The following NPNT variants were observed in gnomAD, a reference collection of about 807,000 sequenced individuals.
The protein encoded by NPNT is nephronectin.
A neutral mutation model predicts 68.6 loss-of-function variants in NPNT; 45 were observed. The ratio of observed to expected loss-of-function variants is 0.66; its 90% CI spans 0.52 to 0.84. The LOEUF (loss-of-function observed/expected upper bound fraction) is 0.84, where lower values mean the gene tolerates loss of function less well. Ranked by LOEUF, NPNT falls within the 40% of genes least tolerant of loss-of-function variation. The probability of loss-of-function intolerance (pLI) is 0.00; values close to 1 mark genes in which losing one functional copy is unlikely to be tolerated. For synonymous variants in NPNT, 233 were observed against 253.3 expected (o/e 0.92, Z 0.76); for missense variants, 672 against 714.8 (o/e 0.94, Z 0.68).
intron 7 of NPNT, among the ~76,000 whole-genome samples, 192 bp from the exon 8 acceptor site, chr4:105,942,115 G>GTATA (rs1345363227): frequency 4.3e-4 from 31 of 72,248 alleles, no homozygotes; most frequent in Non-Finnish European, 7.2e-4. Context: ...CTGTGTGTGT[G>GTATA]TATATATATA....
chr4:105,951,271 C>T (rs903139827), intron 8 of NPNT, among the ~76,000 whole-genome samples: 6 of 152,166 alleles, frequency 3.9e-5, no homozygotes, highest in African/African-American at 1.4e-4. Context: ...GTATCAGGTG[C>T]TCTTATGAGT....
intron 2 of NPNT, among the ~76,000 whole-genome samples, chr4:105,907,839 A>G (rs1727035605): frequency 6.6e-6 from 1 of 152,212 alleles, no homozygotes; most frequent in African/African-American, 2.4e-5. Context: ...CTTAATTACT[A>G]CTGATACATA....
rs901062402 is a variant in NPNT, at chr4:105,940,267, G to A, written c.640+58G>A. The A allele has an allele frequency of 2.5e-5, 38 of 1,542,476 alleles. No individual in the cohort carries two copies. The East Asian group carries it at 3.6e-4, about 15-fold the overall frequency. On this transcript the variant is annotated intron_variant, in intron 6 of 11. Transcript: ENST00000379987. The stretch of plus-strand genomic sequence containing the variant: ...TCTTCCTAGAGCACTGAAAGGTCTC[G>A]TAATTGTGGTGATGGCTGGAATGTC...
At chr4:105,933,468 A>G (rs930860193) in intron 3 of NPNT, among the ~76,000 whole-genome samples, 3 of 152,240 alleles carry the variant, frequency 2.0e-5, no homozygotes, top group African/African-American at 4.8e-5. Context: ...TCTGCTGAGA[A>G]GAAATTTGAT....
Position 105,899,104 on chromosome 4 carries a change from G to A in NPNT, c.172+1103G>A, listed in dbSNP as rs114433522. 9.7e-3 allele frequency among the ~76,000 whole-genome samples: 1,473 copies of A among 152,208 alleles called. 28 individuals carry two copies. Among genetic ancestry groups the A allele is most frequent in the African/African-American group, 0.033 (1,375 of 41,518 alleles). On this transcript the variant is annotated intron_variant, in intron 2 of 11. Coordinates refer to ENST00000379987, the MANE Select transcript of NPNT (RefSeq NM_001033047.3). ...TTCAGGAAAGTTAGGAGTTCCCTCT[G>A]CTATTTTAATTTTTGAGGATGCTTG...
chr4:105,912,674 G>C, intron 2 of NPNT: 1 of 502,568 alleles, frequency 2.0e-6, no homozygotes, highest in Non-Finnish European at 2.6e-6. Flanking sequence ...TTTATTGTAT[G>C]AAATATGTTA....
intron 3 of NPNT, among the ~76,000 whole-genome samples, chr4:105,930,489 G>A (rs1243158483): frequency 6.6e-6 from 1 of 152,140 alleles, no homozygotes; most frequent in African/African-American, 2.4e-5. Flanking sequence ...AGAGAAAATT[G>A]TTGATAGTGC....
chr4:105,948,626 G>A (rs1434226456), intron 8 of NPNT, among the ~76,000 whole-genome samples: 1 of 152,078 alleles, frequency 6.6e-6, no homozygotes, highest in Admixed American at 6.6e-5. Flanking sequence ...TTTTATGTGT[G>A]ATGTGAAATA....
At chr4:105,933,284 A>G (rs969526982) in intron 3 of NPNT, among the ~76,000 whole-genome samples, 2 of 152,206 alleles carry the variant, frequency 1.3e-5, no homozygotes, top group Non-Finnish European at 2.9e-5. Context: ...TTGGCGTGAG[A>G]ATAGAAACAC....
At chr4:105,937,167 G>A in intron 4 of NPNT, 39 bp downstream of exon 4, 4 of 1,608,288 alleles carry the variant, frequency 2.5e-6, no homozygotes, top group Non-Finnish European at 3.4e-6. Context: ...AGTGCTTTGG[G>A]CTTGTTTCTG....
At chr4:105,924,462 A>C (rs147315695) in intron 2 of NPNT, among the ~76,000 whole-genome samples, 5 of 152,186 alleles carry the variant, frequency 3.3e-5, no homozygotes, top group Non-Finnish European at 5.9e-5. Context: ...ATCCTACCGC[A>C]TTTAATAGCC....
Position 105,895,645 on chromosome 4 carries a change from T to C in NPNT, c.-8T>C, listed in dbSNP as rs896049972. The C allele has an allele frequency of 7.1e-6, 11 of 1,549,840 alleles. No individual in the cohort carries two copies. Among genetic ancestry groups the C allele is most frequent in the Non-Finnish European group, 8.7e-6 (10 of 1,146,860 alleles). The stretch of plus-strand genomic sequence containing the variant: ...CACTGCGCTGCGCCCCAGGACCCGC[T>C]GCCCAACATGGATTTTCTCCTGGCG... On this transcript the variant is annotated 5_prime_UTR_variant, in exon 1 of 12. Transcript: ENST00000379987.
At position 105,895,486 on chromosome 4, in the gene NPNT, T is replaced by G; in HGVS notation, c.-167T>G. On this transcript the variant is annotated 5_prime_UTR_variant, in exon 1 of 12. Coordinates refer to ENST00000379987, the MANE Select transcript of NPNT (RefSeq NM_001033047.3). ...TCCGGGCGCCGCGCAGCAGACCTGCTCCGGCCGCGCGCCTCGCCGCTGTCC... is the reference window on the plus strand; with the variant it reads ...TCCGGGCGCCGCGCAGCAGACCTGCGCCGGCCGCGCGCCTCGCCGCTGTCC... 1.7e-6 allele frequency: 1 copy of G among 595,032 alleles called. No individual in the cohort carries two copies. The highest frequency in any genetic ancestry group is 2.9e-6 in the Non-Finnish European group (1 of 344,062). 36.9% of individuals were successfully genotyped at this position (595,032 alleles called of 1,614,324 possible).
At chr4:105,895,891 G>C in intron 1 of NPNT, 168 bp downstream of exon 1, 1 of 616,328 alleles carries the variant, frequency 1.6e-6, no homozygotes, top group Non-Finnish European at 2.8e-6. Context: ...GCGGCTCCGA[G>C]TGCCCGCCCG....
intron 10 of NPNT, among the ~76,000 whole-genome samples, chr4:105,966,077 A>G (rs1204860151): frequency 6.6e-6 from 1 of 152,256 alleles, no homozygotes; most frequent in Non-Finnish European, 1.5e-5. Flanking sequence ...TAAATTAAGC[A>G]TAAGAAAGAG....
chr4:105,958,414 CTT>C, intron 8 of NPNT, 55 bp from the exon 9 acceptor site: 1 of 1,012,714 alleles, frequency 9.9e-7, no homozygotes, highest in Non-Finnish European at 1.5e-6. Context: ...GGTAATGCCT[CTT>C]TATCAATACT....
chr4:105,968,104 C>T (rs1480471196), intron 11 of NPNT, among the ~76,000 whole-genome samples: 1 of 152,154 alleles, frequency 6.6e-6, no homozygotes, highest in Non-Finnish European at 1.5e-5. Flanking sequence ...AAAATGTCAT[C>T]ATTTTGCTGG....
intron 8 of NPNT, among the ~76,000 whole-genome samples, chr4:105,944,158 T>A (rs1730195093): frequency 6.6e-6 from 1 of 152,222 alleles, no homozygotes; most frequent in South Asian, 2.1e-4. Context: ...GGGAATTAGA[T>A]GGTAGCTCTC....
chr4:105,916,002 G>A (rs1727786485), intron 2 of NPNT, among the ~76,000 whole-genome samples: 1 of 151,714 alleles, frequency 6.6e-6, no homozygotes, highest in Non-Finnish European at 1.5e-5. Flanking sequence ...GTAAGTTCTT[G>A]AAAAAAAATC....
Sources: gnomAD v4.1 joint callset for allele counts (sites outside exome capture counted in the v4.1 genomes callset) on GRCh38, gnomAD v4.1.1 for gene constraint, MANE v1.5 for transcripts, NCBI Gene and HGNC (gene_info 2026-07-23, HGNC 2026-07-21) for gene names.